SLC30A7: variants seen among roughly 807,000 people sequenced by gnomAD.
SLC30A7 encodes zinc transporter 7.
SLC30A7 carries 35 observed loss-of-function variants against 46.0 expected under a neutral mutation model. The observed-to-expected ratio is 0.76, with a 90% CI of 0.58 to 1.01. The LOEUF (loss-of-function observed/expected upper bound fraction) is 1.01. Among genes scored for constraint, SLC30A7 ranks in the 50% least tolerant of loss-of-function variants. The probability of loss-of-function intolerance (pLI) is 0.00; values close to 1 mark genes in which losing one functional copy is unlikely to be tolerated. For missense variants in SLC30A7, 464 were observed against 451.1 expected, an observed-to-expected ratio of 1.03 and a Z score of -0.26; for synonymous variants, 147 against 157.8, an observed-to-expected ratio of 0.93 and a Z score of 0.51.
chr1:100,951,810 T>A (rs1654971270), intron 8 of SLC30A7, among the ~76,000 whole-genome samples: 1 of 152,220 alleles, frequency 6.6e-6, no homozygotes, highest in African/African-American at 2.4e-5. Flanking sequence ...GCCCCAAAGA[T>A]GGCCAAGTCC....
At chr1:100,953,478 T>C (rs552646893) in intron 8 of SLC30A7, among the ~76,000 whole-genome samples, 1 of 152,336 alleles carries the variant, frequency 6.6e-6, no homozygotes, top group African/African-American at 2.4e-5. Context: ...CAAGTACTTC[T>C]TGTTGTCTCA....
intron 4 of SLC30A7, 126 bp downstream of exon 4, chr1:100,911,276 G>A: frequency 1.6e-6 from 1 of 617,010 alleles, no homozygotes; most frequent in Non-Finnish European, 2.7e-6. Context: ...GATTAGATAT[G>A]TGCGTACAAG....
At position 100,896,260 on chromosome 1, in the gene SLC30A7, A is replaced by G; in HGVS notation, c.-3A>G. The G allele has an allele frequency of 6.2e-7, 1 of 1,614,096 alleles. No individual in the cohort carries two copies. The highest frequency in any genetic ancestry group is 8.5e-7 in the Non-Finnish European group (1 of 1,179,970). ...AGACCCGGCCCTTCGCCGGGCAGAG[A>G]AGATGTTGCCCCTGTCCATCAAAGA... On this transcript the variant is annotated 5_prime_UTR_variant, in exon 1 of 11. Coordinates refer to ENST00000357650, the MANE Select transcript of SLC30A7 (RefSeq NM_133496.5).
chr1:100,917,452 G>A (rs915443647), intron 6 of SLC30A7, among the ~76,000 whole-genome samples: 9 of 152,128 alleles, frequency 5.9e-5, no homozygotes, highest in African/African-American at 2.2e-4. Flanking sequence ...CAGAAAGCTT[G>A]TCAGTCTTCC....
chr1:100,905,224 G>T (rs1651573496), intron 2 of SLC30A7, among the ~76,000 whole-genome samples: 1 of 151,894 alleles, frequency 6.6e-6, no homozygotes, highest in Admixed American at 6.6e-5. Flanking sequence ...TACTTTAAAG[G>T]TGTTGCTCCA....
intron 8 of SLC30A7, among the ~76,000 whole-genome samples, chr1:100,953,759 C>G (rs1655076802): frequency 6.6e-6 from 1 of 152,164 alleles, no homozygotes; most frequent in South Asian, 2.1e-4. Context: ...TGACTTTAGT[C>G]TCTTCCCATT....
chr1:100,974,138 T>C (rs1358508564), intron 10 of SLC30A7, among the ~76,000 whole-genome samples: 1 of 152,184 alleles, frequency 6.6e-6, no homozygotes, highest in African/African-American at 2.4e-5. Context: ...AGTGCAGTTT[T>C]GTTACTAGGA....
the SLC30A7 span, among the ~76,000 whole-genome samples, chr1:100,987,545 T>C: frequency 1.3e-5 from 2 of 152,296 alleles, no homozygotes; most frequent in East Asian, 3.9e-4. Flanking sequence ...TCTATATTCA[T>C]TCATTACAAC....
chr1:100,896,752 C>T (rs1404478413), intron 2 of SLC30A7, 81 bp downstream of exon 2: 1 of 1,203,286 alleles, frequency 8.3e-7, no homozygotes, highest in African/African-American at 1.5e-5. Flanking sequence ...CACGTAGCTC[C>T]TCACTAGGAG....
chr1:100,987,132 G>T, the SLC30A7 span, among the ~76,000 whole-genome samples: 2 of 152,140 alleles, frequency 1.3e-5, no homozygotes, highest in Non-Finnish European at 1.5e-5. Context: ...AATTTGGTAG[G>T]TTCCCTACTA....
rs146055027 is a variant in SLC30A7 at position 100,914,873 on chromosome 1, A to G, written c.655+1067A>G. On this transcript the variant is annotated intron_variant, in intron 6 of 10. Transcript: ENST00000357650. ...CTTGAACCCAGGAGGCGGAGGTTGCAGTTAGCTGAGATCACGCTACTGCAC... is the reference window on the plus strand; with the variant it reads ...CTTGAACCCAGGAGGCGGAGGTTGCGGTTAGCTGAGATCACGCTACTGCAC... Among the ~76,000 whole-genome samples the G allele has an allele frequency of 2.8e-3, 419 of 152,222 alleles. 7 individuals are homozygous for G. Among genetic ancestry groups the G allele is most frequent in the African/African-American group, 9.8e-3 (408 of 41,552 alleles).
chr1:100,923,295 C>T (rs1476657014), intron 8 of SLC30A7, among the ~76,000 whole-genome samples: 1 of 105,890 alleles, frequency 9.4e-6, no homozygotes, highest in Admixed American at 8.8e-5. Flanking sequence ...GGATTACAGG[C>T]GTGAGCCACC....
At chr1:100,918,199 G>A in intron 7 of SLC30A7, 72 bp downstream of exon 7, 2 of 1,302,012 alleles carry the variant, frequency 1.5e-6, no homozygotes, top group Non-Finnish European at 1.1e-6. Context: ...TTAGTTGTCT[G>A]AAGTTTTCCT....
At chr1:100,988,957 T>C in the SLC30A7 span, among the ~76,000 whole-genome samples, 1 of 152,154 alleles carries the variant, frequency 6.6e-6, no homozygotes, top group African/African-American at 2.4e-5. Flanking sequence ...AAATAATCTT[T>C]AGCTAATTGA....
Position 100,962,054 on chromosome 1 carries a change from A to G in SLC30A7, c.933+136A>G, listed in dbSNP as rs1192105737. 3 of 519,376 alleles carry G rather than the reference A, an allele frequency of 5.8e-6. No individual in the cohort carries two copies. In the African/African-American group the frequency reaches 5.9e-5, roughly 10 times the overall value. The allele number at this position is 519,376 out of a possible 1,614,324, so 32.2% of individuals were successfully genotyped here. A position where few individuals can be genotyped will look rare whatever the true frequency, so the allele number is the denominator to read the frequency against. On this transcript the variant is annotated intron_variant, in intron 9 of 10. Transcript: ENST00000357650. ...GATTGAATGCTGACCATGAAATGTC[A>G]TTTATACAAACCAGAATAAAATTGT... is the stretch of plus-strand genomic sequence containing the variant.
intron 8 of SLC30A7, among the ~76,000 whole-genome samples, chr1:100,954,765 C>T (rs553573519): frequency 7.4e-4 from 112 of 152,122 alleles, no homozygotes; most frequent in African/African-American, 2.5e-3. Flanking sequence ...TTATGAAATT[C>T]TGGATTAATA....
chr1:100,934,918 C>G (rs1653860376), intron 8 of SLC30A7, among the ~76,000 whole-genome samples: 3 of 152,020 alleles, frequency 2.0e-5, no homozygotes, highest in Admixed American at 2.0e-4. Context: ...ATCGCTTGAG[C>G]TTGGGAAGTC....
intron 2 of SLC30A7, among the ~76,000 whole-genome samples, chr1:100,903,278 T>G (rs1306891507): frequency 2.6e-5 from 4 of 152,086 alleles, no homozygotes; most frequent in African/African-American, 4.8e-5. Context: ...AATCTTTTCT[T>G]GGGGGATCGA....
chr1:100,951,732 A>G (rs915430025), intron 8 of SLC30A7, among the ~76,000 whole-genome samples: 3 of 152,188 alleles, frequency 2.0e-5, no homozygotes, highest in Non-Finnish European at 4.4e-5. Context: ...GGTCCTGCCA[A>G]CAACCTCCTG....
Sources: allele counts gnomAD v4.1 joint callset (sites outside exome capture counted in the v4.1 genomes callset), GRCh38; gene constraint gnomAD v4.1.1; transcripts MANE v1.5; gene names NCBI Gene and HGNC (gene_info 2026-07-23, HGNC 2026-07-21).